AVL9: variants seen among roughly 807,000 people sequenced by gnomAD.
AVL9 encodes late secretory pathway protein AVL9 homolog.
AVL9 carries 49 observed loss-of-function variants against 79.2 expected under a neutral mutation model. The ratio of observed to expected loss-of-function variants is 0.62; its 90% CI spans 0.49 to 0.79. The LOEUF is 0.79. AVL9 is among the 30% of genes least tolerant of loss of function. AVL9 has a pLI of 0.00. For missense variants in AVL9, 682 were observed against 776.8 expected (o/e 0.88, Z 1.45); for synonymous variants, 299 against 280.6 (o/e 1.07, Z -0.65).
At position 32,513,410 on chromosome 7, in the gene AVL9, G is replaced by A. The variant is rs182926884; in HGVS notation, c.93+17608G>A. On this transcript the variant is annotated intron_variant, in intron 1 of 15. Transcript: ENST00000318709. ...TATTCTCTCTAAAGCCTGATACTTG[G>A]AGGCTTCATCTGCATGATAAAACCT... 2.8e-3 allele frequency among the ~76,000 whole-genome samples: 420 copies of A among 152,282 alleles called. 1 individual carries two copies. The highest frequency in any genetic ancestry group is 9.6e-3 in the African/African-American group (397 of 41,556).
At chr7:32,577,195 C>G (rs529337381) in intron 13 of AVL9, among the ~76,000 whole-genome samples, 1 of 152,034 alleles carries the variant, frequency 6.6e-6, no homozygotes, top group Admixed American at 6.6e-5. Flanking sequence ...TTTAGCCAGG[C>G]GTGGTGGTGG....
chr7:32,511,435 A>G (rs1227138779), intron 1 of AVL9, among the ~76,000 whole-genome samples: 1 of 152,076 alleles, frequency 6.6e-6, no homozygotes, highest in Non-Finnish European at 1.5e-5. Context: ...GGGAGTCCAC[A>G]GTCCTGGAAA....
Position 32,499,590 on chromosome 7 carries a change from T to A in AVL9, c.93+3788T>A, listed in dbSNP as rs76872304. ...AAGGCAGAATAACAATTTTTTTTTTTAATTATACTTTAAGTTCTGGGATAC... is the reference window on the plus strand; with the variant it reads ...AAGGCAGAATAACAATTTTTTTTTTAAATTATACTTTAAGTTCTGGGATAC... On this transcript the variant is annotated intron_variant, in intron 1 of 15. Coordinates refer to ENST00000318709, the MANE Select transcript of AVL9 (RefSeq NM_015060.3). Among the ~76,000 whole-genome samples the A allele has an allele frequency of 1.8e-3, 263 of 146,740 alleles. 9 individuals are homozygous for A. In the South Asian group the frequency reaches 0.051, roughly 28 times the overall value.
chr7:32,538,063 A>AT lies in AVL9; in HGVS notation c.94-5077dup, dbSNP rs540891375. 4 of 152,350 alleles carry AT rather than the reference A, an allele frequency of 2.6e-5. No homozygotes were observed. In the South Asian group the frequency reaches 8.3e-4, roughly 32 times the overall value. 9.4% of individuals were successfully genotyped at this position (152,350 alleles called of 1,614,324 possible). The stretch of plus-strand genomic sequence containing the variant: ...ACATGTAGTATCCACACTTCTATTT[A>AT]TGACAGTTTTGAGTCAACTGCGTCT... On this transcript the variant is annotated intron_variant, in intron 1 of 15. Transcript: ENST00000318709.
chr7:32,541,560 A>G (rs1789208811), intron 1 of AVL9, among the ~76,000 whole-genome samples: 1 of 152,064 alleles, frequency 6.6e-6, no homozygotes, highest in African/African-American at 2.4e-5. Flanking sequence ...TCATCTTTGA[A>G]TTTGTGTGTA....
intron 9 of AVL9, 146 bp downstream of exon 9, chr7:32,558,774 C>G (rs1583574629): frequency 4.0e-6 from 4 of 1,012,082 alleles, no homozygotes; most frequent in East Asian, 5.3e-5. Context: ...AGGTTTCTCT[C>G]TTTTGTCTGG....
At chr7:32,580,914 A>G (rs779754974) in intron 15 of AVL9, 24 bp downstream of exon 15, 2 of 1,561,686 alleles carry the variant, frequency 1.3e-6, no homozygotes, top group Non-Finnish European at 1.8e-6. Context: ...TTAGCCAGGA[A>G]CAAATTGGAA....
chr7:32,499,009 C>T (rs147043853), intron 1 of AVL9, among the ~76,000 whole-genome samples: 20,005 of 20,020 alleles, frequency 1, 9,997 homozygotes, highest in Middle Eastern at 1. Context: ...ACTAAAAATA[C>T]AAAATTAGCT....
Position 32,575,956 on chromosome 7 carries a change from CAATG to C in AVL9, c.1575_1578del (p.Asn525LysfsTer35). 6.3e-7 allele frequency: 1 copy of C among 1,593,698 alleles called. No individual in the cohort carries two copies. The highest frequency in any genetic ancestry group is 8.6e-7 in the Non-Finnish European group (1 of 1,161,552). Reference sequence around the variant, plus strand: ...TTCTTTCAAACATTTACTTGACAGACAATGAAAAGATATTATCGGACTATGGGAC... The same window carrying C: ...TTCTTTCAAACATTTACTTGACAGACAAAAGATATTATCGGACTATGGGAC... On this transcript the variant is annotated frameshift_variant and splice_region_variant, in exon 13 of 16. Transcript: ENST00000318709. LOFTEE classifies it high-confidence loss of function.
At chr7:32,551,307 A>G (rs780777440) in intron 4 of AVL9, 27 bp from the exon 5 acceptor site, 39 of 1,417,918 alleles carry the variant, frequency 2.8e-5, no homozygotes, top group Middle Eastern at 3.6e-4. Context: ...TTATTAATCA[A>G]TGGTAATTTC....
chr7:32,547,846 C>T (rs1248931854), intron 3 of AVL9, among the ~76,000 whole-genome samples: 2 of 152,114 alleles, frequency 1.3e-5, no homozygotes, highest in East Asian at 3.9e-4. Context: ...AACATGGGGG[C>T]CCCTTGGTCC....
chr7:32,544,977 T>C (rs1789409474), intron 3 of AVL9, among the ~76,000 whole-genome samples, 198 bp downstream of exon 3: 2 of 152,246 alleles, frequency 1.3e-5, no homozygotes, highest in African/African-American at 4.8e-5. Flanking sequence ...TGCTTATATT[T>C]GTATCACAAT....
At chr7:32,568,328 G>T (rs1164149384) in intron 10 of AVL9, among the ~76,000 whole-genome samples, 1 of 151,600 alleles carries the variant, frequency 6.6e-6, no homozygotes, top group East Asian at 1.9e-4. Context: ...AGCCTCCCAA[G>T]TAGCTGGGAT....
At chr7:32,535,614 T>G (rs780797196) in intron 1 of AVL9, 19 of 152,352 alleles carry the variant, frequency 1.2e-4, no homozygotes, top group Admixed American at 5.2e-4. Flanking sequence ...TGTTCTTTGC[T>G]CAAATAAACT....
chr7:32,551,522 AG>A, intron 5 of AVL9, 99 bp downstream of exon 5: 2 of 584,032 alleles, frequency 3.4e-6, no homozygotes, highest in Non-Finnish European at 5.7e-6. Flanking sequence ...TATTACCTTA[AG>A]AAAGACATTC....
intron 1 of AVL9, chr7:32,533,725 C>A (rs557222932): frequency 4.1e-4 from 63 of 152,240 alleles, no homozygotes; most frequent in African/African-American, 1.5e-3. Context: ...AAGAAAAAAT[C>A]TCTGAGATAC....
chr7:32,571,594 A>C (rs1439718023), intron 11 of AVL9, among the ~76,000 whole-genome samples: 1 of 151,878 alleles, frequency 6.6e-6, no homozygotes, highest in Non-Finnish European at 1.5e-5. Flanking sequence ...GAAAGTATGA[A>C]AACATGTTTC....
At chr7:32,555,266 T>C (rs6462378) in intron 8 of AVL9, among the ~76,000 whole-genome samples, 99,196 of 152,076 alleles carry the variant, frequency 0.65, 32,554 homozygotes, top group Admixed American at 0.73. Flanking sequence ...TGGCTTGAGC[T>C]TGGGAGGTAG....
chr7:32,552,242 A>G lies in AVL9; in HGVS notation c.476A>G (p.His159Arg), dbSNP rs1789865461. 6.3e-7 allele frequency: 1 copy of G among 1,593,778 alleles called. No homozygotes were observed. Among genetic ancestry groups the G allele is most frequent in the Non-Finnish European group, 8.6e-7 (1 of 1,162,772 alleles). ...QISILKELYE[H>R]MNSSLGGASL... ...TATATTTTATAGGAGCTTTATGAAC[A>G]TATGAATAGTTCCTTGGGAGGTGCT... The change falls in exon 6 of 16, where the codon CAT becomes CGT. Residue 159 changes from histidine to arginine, a missense_variant. Physicochemically the swap from His to Arg is conservative, Grantham distance 29. Transcript: ENST00000318709.
Sources: gnomAD v4.1 joint callset for allele counts (sites outside exome capture counted in the v4.1 genomes callset) on GRCh38, gnomAD v4.1.1 for gene constraint, MANE v1.5 for transcripts, NCBI Gene and HGNC (gene_info 2026-07-23, HGNC 2026-07-21) for gene names.